The following PFKFB3 variants were observed in gnomAD, a reference collection of about 807,000 sequenced individuals.
PFKFB3 encodes the protein 6-phosphofructo-2-kinase/fructose-2,6-biphosphatase 3.
Under a neutral mutation model 68.0 loss-of-function variants are expected in PFKFB3, and 33 were observed. That is an observed-to-expected ratio of 0.49 (90% CI 0.37 to 0.65). PFKFB3 has a LOEUF of 0.65. PFKFB3 is among the 30% of genes least tolerant of loss of function. The pLI is 0.00. For synonymous variants in PFKFB3, 315 were observed against 288.2 expected, an observed-to-expected ratio of 1.09 and a Z score of -0.94; for missense variants, 586 against 712.2, an observed-to-expected ratio of 0.82 and a Z score of 2.02.
At chr10:6,291,007 A>G in the PFKFB3 span, among the ~76,000 whole-genome samples, 1 of 151,854 alleles carries the variant, frequency 6.6e-6, no homozygotes, top group East Asian at 1.9e-4. Context: ...TGCATACATG[A>G]GTTTCATTTT....
At chr10:6,294,043 C>A in the PFKFB3 span, 2 of 522,360 alleles carry the variant, frequency 3.8e-6, no homozygotes, top group Non-Finnish European at 3.9e-6. Flanking sequence ...GTTATAGGAG[C>A]CATTGTATAG....
chr10:6,189,615 A>G (rs1384362377), intron 1 of PFKFB3, among the ~76,000 whole-genome samples: 1 of 151,260 alleles, frequency 6.6e-6, no homozygotes, highest in East Asian at 2.0e-4. Context: ...CCCAGGTTCA[A>G]GCGATTCTCC....
intron 1 of PFKFB3, among the ~76,000 whole-genome samples, chr10:6,171,457 G>A (rs1370943830): frequency 2.0e-5 from 3 of 150,370 alleles, no homozygotes; most frequent in South Asian, 2.1e-4. Flanking sequence ...GTGCAGTGGC[G>A]CGATCTTGGC....
rs1315694707 is a variant in PFKFB3, at chr10:6,171,632, A to T, written c.16+26619A>T. Among the ~76,000 whole-genome samples the T allele has an allele frequency of 3.3e-5, 5 of 152,136 alleles. No homozygotes were observed. The South Asian group carries it at 6.2e-4, about 19-fold the overall frequency. ...GGTCTCAAACTCCTGGACTCAAAAG[A>T]TTCTCCTGCCTTGGCCTCCCAAAGT... On this transcript the variant is annotated intron_variant, in intron 1 of 14. Coordinates refer to the PFKFB3 transcript ENST00000379789.
intron 1 of PFKFB3, among the ~76,000 whole-genome samples, chr10:6,195,591 C>T (rs1843155748): frequency 6.6e-6 from 1 of 152,140 alleles, no homozygotes; most frequent in South Asian, 2.1e-4. Context: ...GGCAGTGTAC[C>T]CAGGGAGACT....
intron 1 of PFKFB3, among the ~76,000 whole-genome samples, chr10:6,177,175 C>T (rs993960356): frequency 1.1e-4 from 16 of 152,304 alleles, no homozygotes; most frequent in Middle Eastern, 3.4e-3. Flanking sequence ...ACAGTGAACT[C>T]TAACAGGGTA....
At chr10:6,156,029 A>G (rs1841772870) in intron 1 of PFKFB3, among the ~76,000 whole-genome samples, 1 of 151,234 alleles carries the variant, frequency 6.6e-6, no homozygotes, top group Admixed American at 6.6e-5. Context: ...CATCCTCCCA[A>G]CTTTTGGAGT....
At chr10:6,270,121 A>G in the PFKFB3 span, among the ~76,000 whole-genome samples, 16 of 152,218 alleles carry the variant, frequency 1.1e-4, 2 homozygotes, top group Admixed American at 6.5e-4. Flanking sequence ...AACAAGAGCA[A>G]AAACTCCGTC....
chr10:6,288,868 T>G, the PFKFB3 span, among the ~76,000 whole-genome samples: 5,653 of 151,096 alleles, frequency 0.037, 345 homozygotes, highest in African/African-American at 0.13. Context: ...AGCACCTGTT[T>G]TTTCCTGACT....
intron 1 of PFKFB3, among the ~76,000 whole-genome samples, chr10:6,180,214 A>AATGGGTGG (rs1554843448): frequency 1.3e-5 from 2 of 151,494 alleles, no homozygotes; most frequent in African/African-American, 4.9e-5. Context: ...CATTCTTTTT[A>AATGGGTGG]ATGGATGGAT....
the PFKFB3 span, among the ~76,000 whole-genome samples, chr10:6,326,360 G>C: frequency 1.3e-5 from 2 of 152,054 alleles, no homozygotes; most frequent in Non-Finnish European, 1.5e-5. Context: ...CTACGTGACG[G>C]GTTGATAGGA....
At chr10:6,195,633 G>C (rs1843156961) in intron 1 of PFKFB3, among the ~76,000 whole-genome samples, 1 of 152,214 alleles carries the variant, frequency 6.6e-6, no homozygotes, top group Non-Finnish European at 1.5e-5. Flanking sequence ...AGAGAATGCA[G>C]ATAAACGTGG....
rs1368371295 is a variant in PFKFB3, at chr10:6,203,432, GCGCGCCCGTGCGGGT to G, written c.76+103_76+117del. On this transcript the variant is annotated intron_variant, in intron 1 of 14. Coordinates refer to ENST00000379775, the MANE Select transcript of PFKFB3 (RefSeq NM_004566.4). The stretch of plus-strand genomic sequence containing the variant: ...TTGTGCCGACGCCCCTCTGCGGGGG[GCGCGCCCGTGCGGGT>G]CGCGCCGGCGGGGCGGGGCGGAGGC... 362 of 758,026 alleles carry G rather than the reference GCGCGCCCGTGCGGGT, an allele frequency of 4.8e-4. 2 individuals carry two copies. In the African/African-American group the frequency reaches 6.1e-3, roughly 13 times the overall value. The allele number at this position is 758,026 out of a possible 1,614,324, so 47.0% of individuals were successfully genotyped here. A position where few individuals can be genotyped will look rare whatever the true frequency, so the allele number is the denominator to read the frequency against.
chr10:6,260,613 G>A, the PFKFB3 span, among the ~76,000 whole-genome samples: 1 of 151,996 alleles, frequency 6.6e-6, no homozygotes, highest in Non-Finnish European at 1.5e-5. Flanking sequence ...TCTTTCGCCT[G>A]TTTGTTTTAC....
chr10:6,310,696 A>G, the PFKFB3 span, among the ~76,000 whole-genome samples: 30 of 152,350 alleles, frequency 2.0e-4, no homozygotes, highest in East Asian at 2.3e-3. Flanking sequence ...TGAACAAATA[A>G]GGAATACTAC....
chr10:6,272,390 A>G, the PFKFB3 span, among the ~76,000 whole-genome samples: 1 of 152,116 alleles, frequency 6.6e-6, no homozygotes, highest in Non-Finnish European at 1.5e-5. Context: ...ATTCTGGCCA[A>G]CGTGTTGAAA....
In PFKFB3 at chr10:6,176,394, T is replaced by G. The variant is rs80152503; in HGVS notation, c.16+31381T>G. Among the ~76,000 whole-genome samples, 1,778 of 152,266 alleles carry G rather than the reference T, an allele frequency of 0.012. 86 individuals are homozygous for G. The East Asian group carries it at 0.12, about 10-fold the overall frequency. On this transcript the variant is annotated intron_variant, in intron 1 of 14. Transcript: ENST00000379789. The stretch of plus-strand genomic sequence containing the variant: ...CGAGCTGTGCATTCTGAATGTATTC[T>G]ATACTTCTCATTTACCTGTTTAATT...
the PFKFB3 span, among the ~76,000 whole-genome samples, chr10:6,290,145 T>A: frequency 3.3e-5 from 5 of 152,178 alleles, no homozygotes; most frequent in Non-Finnish European, 7.3e-5. Flanking sequence ...TCATGTCATC[T>A]GCAAACAGGG....
chr10:6,248,339 T>C (rs1846301093), intron 14 of PFKFB3, among the ~76,000 whole-genome samples: 1 of 152,028 alleles, frequency 6.6e-6, no homozygotes, highest in African/African-American at 2.4e-5. Context: ...CAGCAAATAA[T>C]CTGATTAAAA....
Sources: gnomAD v4.1 joint callset for allele counts (sites outside exome capture counted in the v4.1 genomes callset) on GRCh38, gnomAD v4.1.1 for gene constraint, MANE v1.5 for transcripts, NCBI Gene and HGNC (gene_info 2026-07-23, HGNC 2026-07-21) for gene names.